STX6: variants seen among roughly 807,000 people sequenced by gnomAD.
STX6 encodes syntaxin 6.
Under a neutral mutation model 38.0 loss-of-function variants are expected in STX6, and 23 were observed. That is an observed-to-expected ratio of 0.60 (90% CI 0.43 to 0.86). The LOEUF (loss-of-function observed/expected upper bound fraction) is 0.86, where lower values mean the gene tolerates loss of function less well. STX6 is among the 40% of genes least tolerant of loss of function. The pLI, the probability that STX6 is intolerant of heterozygous loss-of-function variation, is 0.00. For synonymous variants in STX6, 123 were observed against 107.5 expected (o/e 1.14, Z -0.89); for missense variants, 274 against 312.9 (o/e 0.88, Z 0.94).
intron 1 of STX6, among the ~76,000 whole-genome samples, chr1:181,017,618 G>A (rs1431430352): frequency 1.3e-5 from 2 of 152,068 alleles, no homozygotes; most frequent in East Asian, 1.9e-4. Flanking sequence ...TGCCAACAAG[G>A]GAGGAAAAAA....
intron 4 of STX6, among the ~76,000 whole-genome samples, chr1:180,992,820 C>T (rs1475487902): frequency 1.3e-5 from 2 of 152,250 alleles, no homozygotes; most frequent in Middle Eastern, 3.4e-3. Flanking sequence ...CTTAATTTAA[C>T]ACACAAGTTT....
At chr1:181,014,950 C>T (rs1041671769) in intron 1 of STX6, among the ~76,000 whole-genome samples, 1 of 152,222 alleles carries the variant, frequency 6.6e-6, no homozygotes, top group Admixed American at 6.5e-5. Flanking sequence ...CCACCAATGA[C>T]ACTGCAGGTC....
At chr1:181,021,968 T>C (rs1445657637) in intron 1 of STX6, among the ~76,000 whole-genome samples, 1 of 152,202 alleles carries the variant, frequency 6.6e-6, no homozygotes, top group East Asian at 1.9e-4. Flanking sequence ...TTTGGCTTGT[T>C]TCATTTTGTT....
rs1656195466 is a variant in STX6 at position 181,005,384 on chromosome 1, T to C, written c.115A>G (p.Thr39Ala). The change falls in exon 2 of 8, where the codon ACA (threonine) becomes GCA (alanine). Residue 39 changes from threonine to alanine, a missense_variant. Transcript: ENST00000258301. ...TELLQDPSTATREEIDWTTNE... is the reference protein window; with the variant it reads ...TELLQDPSTAAREEIDWTTNE... ...GTGGTCCAGTCGATTTCTTCCCTTG[T>C]TGCTGTGGAGGGGTCCTGGAGGAGC... 5 of 1,614,138 alleles carry C rather than the reference T, an allele frequency of 3.1e-6. No individual in the cohort carries two copies. The highest frequency in any genetic ancestry group is 4.2e-6 in the Non-Finnish European group (5 of 1,179,996).
At chr1:181,013,404 G>A (rs1038853015) in intron 1 of STX6, among the ~76,000 whole-genome samples, 4 of 152,092 alleles carry the variant, frequency 2.6e-5, no homozygotes, top group Admixed American at 6.6e-5. Context: ...CTGTAATCTC[G>A]AATTCCTGGG....
chr1:181,018,388 C>CAAAAAAAAAAAAAAAA (rs34962747), intron 1 of STX6, among the ~76,000 whole-genome samples: 1 of 43,042 alleles, frequency 2.3e-5, no homozygotes, highest in African/African-American at 8.9e-5. Context: ...GACTCTGTCC[C>CAAAAAAAAAAAAAAAA]AAAAAAAAAA....
At chr1:181,008,031 T>C (rs1004283438) in intron 1 of STX6, among the ~76,000 whole-genome samples, 1 of 152,210 alleles carries the variant, frequency 6.6e-6, no homozygotes, top group African/African-American at 2.4e-5. Flanking sequence ...GATACATACT[T>C]GGAAAAGGGA....
At position 181,022,825 on chromosome 1, in the gene STX6, A is replaced by C; in HGVS notation, c.-152T>G. 1 of 702,364 alleles carries C rather than the reference A, an allele frequency of 1.4e-6. No homozygotes were observed. Among genetic ancestry groups the C allele is most frequent in the Non-Finnish European group, 2.4e-6 (1 of 422,774 alleles). 43.5% of individuals were successfully genotyped at this position (702,364 alleles called of 1,614,324 possible). A position where few individuals can be genotyped will look rare whatever the true frequency, so the allele number is the denominator to read the frequency against. On this transcript the variant is annotated 5_prime_UTR_variant, in exon 1 of 8. Transcript: ENST00000258301. Reference sequence around the variant, plus strand: ...GGGCACGCGCACAGGCCAGGTGCACAGGACGGCCGCTGGTCCAGCACTCGC... The same window carrying C: ...GGGCACGCGCACAGGCCAGGTGCACCGGACGGCCGCTGGTCCAGCACTCGC...
intron 7 of STX6, among the ~76,000 whole-genome samples, chr1:180,982,477 C>T (rs1655444970): frequency 6.6e-6 from 1 of 152,186 alleles, no homozygotes; most frequent in Non-Finnish European, 1.5e-5. Context: ...ACATTGCTTC[C>T]CCAATTTTTC....
chr1:181,005,465 T>C lies in STX6; in HGVS notation c.36-2A>G, dbSNP rs925504771. ...GTGTTGACTGCTTTCTGTACCTCTC[T>C]GTAATCAAGATGAGGCAAAGGAGAG... On this transcript the variant is annotated splice_acceptor_variant, in intron 1 of 7. Transcript: ENST00000258301. LOFTEE classifies it high-confidence loss of function. The C allele has an allele frequency of 1.2e-6, 2 of 1,610,794 alleles. No homozygotes were observed. The highest frequency in any genetic ancestry group is 1.7e-6 in the Non-Finnish European group (2 of 1,178,256).
chr1:181,003,008 G>A (rs1389746584), intron 2 of STX6, among the ~76,000 whole-genome samples: 2 of 152,222 alleles, frequency 1.3e-5, no homozygotes, highest in African/African-American at 2.4e-5. Flanking sequence ...CAACACTTGT[G>A]TCTATCCTTT....
At chr1:181,005,173 T>G (rs760028328) in intron 2 of STX6, 121 bp downstream of exon 2, 50 of 1,504,636 alleles carry the variant, frequency 3.3e-5, no homozygotes, top group Non-Finnish European at 4.3e-5. Flanking sequence ...ATGGTACAAG[T>G]AAGAGCAACA....
At chr1:180,980,545 CTTTTTTTTTTTTTT>C (rs773403625) in intron 7 of STX6, 8 of 39,138 alleles carry the variant, frequency 2.0e-4, no homozygotes, top group East Asian at 1.1e-3. Flanking sequence ...AAAACCTGCA[CTTTTTTTTTTTTTT>C]TTTTTTTTTT....
At position 180,993,006 on chromosome 1, in the gene STX6, A is replaced by G. The variant is rs549270631; in HGVS notation, c.363+357T>C. Among the ~76,000 whole-genome samples, 11 of 152,338 alleles carry G rather than the reference A, an allele frequency of 7.2e-5. No homozygotes were observed. The South Asian group carries it at 8.3e-4, about 11-fold the overall frequency. On this transcript the variant is annotated intron_variant, in intron 4 of 7. Transcript: ENST00000258301. Reference sequence around the variant, plus strand: ...AGGGCCTGGAGCCCAGCAGAGAGAAAGACAGTAATTATAGCCCTTCAAAGA... The same window carrying G: ...AGGGCCTGGAGCCCAGCAGAGAGAAGGACAGTAATTATAGCCCTTCAAAGA...
At chr1:181,010,216 T>C (rs1391247191) in intron 1 of STX6, among the ~76,000 whole-genome samples, 1 of 152,152 alleles carries the variant, frequency 6.6e-6, no homozygotes, top group Non-Finnish European at 1.5e-5. Flanking sequence ...CTTTTTATTG[T>C]AGGTAAATTA....
At chr1:181,001,917 G>A (rs1174201680) in intron 3 of STX6, among the ~76,000 whole-genome samples, 3 of 152,138 alleles carry the variant, frequency 2.0e-5, no homozygotes, top group South Asian at 2.1e-4. Context: ...GGTGGCTCAC[G>A]CCAGTAATCC....
intron 7 of STX6, among the ~76,000 whole-genome samples, chr1:180,981,415 C>T (rs928910383): frequency 2.0e-5 from 3 of 152,126 alleles, no homozygotes; most frequent in Non-Finnish European, 2.9e-5. Flanking sequence ...TGATTAGTTG[C>T]GATTCTTTCA....
intron 1 of STX6, 109 bp from the exon 2 acceptor site, chr1:181,005,572 C>T (rs1232524405): frequency 4.9e-6 from 5 of 1,021,350 alleles, no homozygotes; most frequent in East Asian, 2.6e-5. Context: ...TCAGCAACCA[C>T]CATTCCCACA....
chr1:180,983,882 G>A (rs1333357099), intron 7 of STX6, among the ~76,000 whole-genome samples: 28 of 151,718 alleles, frequency 1.8e-4, no homozygotes, highest in Admixed American at 1.8e-3. Flanking sequence ...GGCTAACACG[G>A]TGAAACTCCA....
Sources: gnomAD v4.1 joint callset for allele counts (sites outside exome capture counted in the v4.1 genomes callset) on GRCh38, gnomAD v4.1.1 for gene constraint, MANE v1.5 for transcripts, NCBI Gene and HGNC (gene_info 2026-07-23, HGNC 2026-07-21) for gene names.